The following ZFAT variants were observed in gnomAD, a reference collection of about 807,000 sequenced individuals.
ZFAT encodes the protein zinc finger protein ZFAT.
Under a neutral mutation model 117.7 loss-of-function variants are expected in ZFAT, and 64 were observed. The ratio of observed to expected loss-of-function variants is 0.54; its 90% CI spans 0.44 to 0.67. ZFAT has a LOEUF of 0.67. Ranked by LOEUF, ZFAT falls within the 30% of genes least tolerant of loss-of-function variation. The pLI is 0.00. For synonymous variants in ZFAT, 679 were observed against 615.0 expected (o/e 1.10, Z -1.54); for missense variants, 1,433 against 1,584.5 (o/e 0.90, Z 1.62).
intron 1 of ZFAT, among the ~76,000 whole-genome samples, chr8:134,691,237 A>G (rs1833568316): frequency 6.6e-6 from 1 of 152,276 alleles, no homozygotes; most frequent in South Asian, 2.1e-4. Context: ...TGGCAAGGCC[A>G]GTCCCTCCCA....
At chr8:134,737,848 G>T in the ZFAT span, among the ~76,000 whole-genome samples, 2 of 152,122 alleles carry the variant, frequency 1.3e-5, no homozygotes, top group African/African-American at 4.8e-5. Flanking sequence ...CTATGAGATT[G>T]GTGGGTTTTT....
Position 134,695,109 on chromosome 8 carries a change from C to T in ZFAT, c.19+17736G>A, listed in dbSNP as rs113527595. ...GCAGGGAGAACCCAGAAGAAGGCAGCGGCCAGAGGAGGACGAACTAACCAT... is the reference window on the plus strand; with the variant it reads ...GCAGGGAGAACCCAGAAGAAGGCAGTGGCCAGAGGAGGACGAACTAACCAT... On this transcript the variant is annotated intron_variant, in intron 1 of 15. Transcript: ENST00000377838. 4.7e-3 allele frequency among the ~76,000 whole-genome samples: 714 copies of T among 152,270 alleles called. 7 individuals are homozygous for T. The highest frequency in any genetic ancestry group is 0.016 in the African/African-American group (677 of 41,556).
chr8:134,550,325 A>AAAACAAC lies in ZFAT; in HGVS notation c.2976+15007_2976+15008insGTTGTTT, dbSNP rs1563837038. On this transcript the variant is annotated intron_variant, in intron 11 of 15. Transcript: ENST00000377838. ...GGTCACAACGGAAAAAAAAAAAAAA[A>AAAACAAC]AAAAAAACAGCACAGGGTAAAGATC... is the stretch of plus-strand genomic sequence containing the variant. Among the ~76,000 whole-genome samples the AAAACAAC allele has an allele frequency of 2.6e-3, 396 of 150,630 alleles. 3 individuals are homozygous for AAAACAAC. The highest frequency in any genetic ancestry group is 9.3e-3 in the African/African-American group (377 of 40,496).
At chr8:134,761,220 G>A in the ZFAT span, among the ~76,000 whole-genome samples, 1 of 152,146 alleles carries the variant, frequency 6.6e-6, no homozygotes, top group Non-Finnish European at 1.5e-5. Context: ...AGCACTGCAT[G>A]AGGCACTGAG....
the ZFAT span, chr8:134,796,181 A>T: frequency 6.6e-6 from 1 of 152,180 alleles, no homozygotes; most frequent in Non-Finnish European, 1.5e-5. Context: ...AATGTAAATA[A>T]AGTGTTTCCC....
chr8:134,817,957 A>C, the ZFAT span, among the ~76,000 whole-genome samples: 1 of 152,310 alleles, frequency 6.6e-6, no homozygotes, highest in East Asian at 1.9e-4. Context: ...GTGTCTTAAG[A>C]ACATCCAGAT....
At chr8:134,775,224 T>A in the ZFAT span, among the ~76,000 whole-genome samples, 1 of 152,236 alleles carries the variant, frequency 6.6e-6, no homozygotes, top group Non-Finnish European at 1.5e-5. Flanking sequence ...GGATCTATTT[T>A]TGTTATATTC....
At chr8:134,813,077 C>T in the ZFAT span, among the ~76,000 whole-genome samples, 8 of 152,200 alleles carry the variant, frequency 5.3e-5, no homozygotes, top group African/African-American at 1.4e-4. Context: ...TTTAACACAG[C>T]TGGAGATGTT....
chr8:134,808,882 C>T, the ZFAT span, among the ~76,000 whole-genome samples: 4 of 152,274 alleles, frequency 2.6e-5, no homozygotes, highest in South Asian at 6.2e-4. Flanking sequence ...GACTATAAGA[C>T]TCAAATTAAT....
Position 134,565,417 on chromosome 8 carries a change from C to T in ZFAT, c.2892G>A (p.Lys964=), listed in dbSNP as rs757486921. ...AGTCACACACCGTGCACTTAAACTGCTTCCCTGGAAAGAAGCGGAGGACAA... is the reference window on the plus strand; with the variant it reads ...AGTCACACACCGTGCACTTAAACTGTTTCCCTGGAAAGAAGCGGAGGACAA... ...SHKLLHTADG[K]QFKCTVCDYT... The change falls in exon 11 of 16, where the codon AAG becomes AAA. Residue 964 remains lysine (K), a synonymous_variant. Transcript: ENST00000377838. 1.3e-5 allele frequency: 21 copies of T among 1,612,474 alleles called. No homozygotes were observed. The East Asian group carries it at 3.6e-4, about 27-fold the overall frequency.
chr8:134,810,239 C>T, the ZFAT span, among the ~76,000 whole-genome samples: 1 of 152,150 alleles, frequency 6.6e-6, no homozygotes, highest in Non-Finnish European at 1.5e-5. Context: ...TCAAAGTCCA[C>T]ACCTGGAGGA....
chr8:134,724,060 TAGGAGTC>T, the ZFAT span: 3 of 152,382 alleles, frequency 2.0e-5, no homozygotes, highest in Admixed American at 1.3e-4. Context: ...CTTCCATTCT[TAGGAGTC>T]AGGGGTGGCA....
At chr8:134,720,529 C>T in the ZFAT span, among the ~76,000 whole-genome samples, 47 of 152,144 alleles carry the variant, frequency 3.1e-4, no homozygotes, top group Non-Finnish European at 5.9e-4. Context: ...GAAACTTGGC[C>T]GAGATCTGAA....
At chr8:134,479,360 G>A (rs1817127458) in intron 15 of ZFAT, among the ~76,000 whole-genome samples, 1 of 152,206 alleles carries the variant, frequency 6.6e-6, no homozygotes, top group South Asian at 2.1e-4. Context: ...AGCCTTCTGG[G>A]TATCCGTCAG....
chr8:134,667,126 G>A (rs1016041297), intron 1 of ZFAT, among the ~76,000 whole-genome samples: 16 of 152,188 alleles, frequency 1.1e-4, no homozygotes, highest in African/African-American at 3.9e-4. Flanking sequence ...ACACACTGGG[G>A]CCTGTCAGGG....
At chr8:134,759,670 A>T in the ZFAT span, among the ~76,000 whole-genome samples, 1 of 152,198 alleles carries the variant, frequency 6.6e-6, no homozygotes, top group Non-Finnish European at 1.5e-5. Context: ...CATACTTAGA[A>T]TTGAATTTTT....
At chr8:134,481,147 T>C (rs747702671) in intron 15 of ZFAT, among the ~76,000 whole-genome samples, 9 of 152,190 alleles carry the variant, frequency 5.9e-5, no homozygotes, top group Non-Finnish European at 1.3e-4. Flanking sequence ...TGGGAAAATG[T>C]ACCATGAACC....
the ZFAT span, among the ~76,000 whole-genome samples, chr8:134,731,317 T>C: frequency 1.3e-5 from 2 of 152,266 alleles, no homozygotes; most frequent in African/African-American, 4.8e-5. Context: ...TTACTCATAA[T>C]AGCCCCAAGT....
intron 1 of ZFAT, among the ~76,000 whole-genome samples, chr8:134,701,831 C>A (rs1834015502): frequency 6.6e-6 from 1 of 152,188 alleles, no homozygotes; most frequent in African/African-American, 2.4e-5. Flanking sequence ...TGGGCTGGTT[C>A]CAGTTTGGGG....
Sources: allele counts gnomAD v4.1 joint callset (sites outside exome capture counted in the v4.1 genomes callset), GRCh38; gene constraint gnomAD v4.1.1; transcripts MANE v1.5; gene names NCBI Gene and HGNC (gene_info 2026-07-23, HGNC 2026-07-21).